PTPRD: variants seen among roughly 807,000 people sequenced by gnomAD.
PTPRD encodes the protein protein tyrosine phosphatase receptor type D, also known as receptor-type tyrosine-protein phosphatase delta.
Under a neutral mutation model 214.5 loss-of-function variants are expected in PTPRD, and 34 were observed. That is an observed-to-expected ratio of 0.16 (90% CI 0.12 to 0.21). The LOEUF (loss-of-function observed/expected upper bound fraction) is 0.21, where lower values mean the gene tolerates loss of function less well. Ranked by LOEUF, PTPRD falls within the 10% of genes least tolerant of loss-of-function variation. The pLI is 1.00. For synonymous variants in PTPRD, 1,128 were observed against 845.7 expected (o/e 1.33, Z -5.79); for missense variants, 2,545 against 2,398.7 (o/e 1.06, Z -1.27).
rs777528687 is a variant in PTPRD, at chr9:8,517,992, T to A, written c.1399A>T (p.Met467Leu). The change falls in exon 21 of 46, where the codon ATG becomes TTG. Residue 467 changes from methionine (M) to leucine (L), a missense_variant. Coordinates refer to ENST00000381196, the MANE Select transcript of PTPRD (RefSeq NM_002839.4). ...MDPTQHVNNW[M>L]KHNVADSQIT... ...TGGCTGTCAGCTACATTGTGTTTCA[T>A]CCAGTTGTTGACATGTTGAGTGGGA... 1 of 1,614,212 alleles carries A rather than the reference T, an allele frequency of 6.2e-7. No individual in the cohort carries two copies. Among genetic ancestry groups the A allele is most frequent in the Admixed American group, 1.7e-5 (1 of 60,028 alleles).
intron 3 of PTPRD, among the ~76,000 whole-genome samples, chr9:10,186,525 G>A (rs958053699): frequency 3.9e-5 from 6 of 152,052 alleles, no homozygotes; most frequent in East Asian, 1.9e-4. Flanking sequence ...TCATCTTTAC[G>A]AATCCTCCCC....
rs572723593 is a variant in PTPRD at position 10,265,519 on chromosome 9, G to T, written c.-545+75444C>A. ...CAAATGCTTGTTGTTTTAAGCCAGG[G>T]ATGCAAAAACTTACTCTGTAAAGGG... On this transcript the variant is annotated intron_variant, in intron 3 of 45. Transcript: ENST00000381196. Among the ~76,000 whole-genome samples the T allele has an allele frequency of 7.7e-4, 117 of 152,122 alleles. 1 individual carries two copies. Among genetic ancestry groups the T allele is most frequent in the Non-Finnish European group, 1.2e-3 (83 of 68,016 alleles).
At chr9:9,714,446 G>A (rs1006776038) in intron 7 of PTPRD, among the ~76,000 whole-genome samples, 3 of 152,028 alleles carry the variant, frequency 2.0e-5, no homozygotes, top group African/African-American at 4.8e-5. Context: ...ACATATTTTG[G>A]CATACACATA....
chr9:9,987,851 G>C (rs2095775959), intron 4 of PTPRD, among the ~76,000 whole-genome samples: 1 of 152,088 alleles, frequency 6.6e-6, no homozygotes, highest in Non-Finnish European at 1.5e-5. Context: ...AAGACAACTA[G>C]TTCATTTAAA....
chr9:10,183,151 A>G (rs537518467), intron 3 of PTPRD, among the ~76,000 whole-genome samples: 1 of 152,272 alleles, frequency 6.6e-6, no homozygotes, highest in Non-Finnish European at 1.5e-5. Flanking sequence ...TAAAGTGTTC[A>G]ATTTTTTAAA....
chr9:9,916,605 T>C (rs1453833853), intron 5 of PTPRD, among the ~76,000 whole-genome samples: 2 of 151,874 alleles, frequency 1.3e-5, no homozygotes, highest in East Asian at 1.9e-4. Context: ...AAGACACATA[T>C]AGGGTGAAAG....
intron 11 of PTPRD, among the ~76,000 whole-genome samples, chr9:8,966,104 A>G (rs2099192551): frequency 6.6e-6 from 1 of 152,102 alleles, no homozygotes; most frequent in Non-Finnish European, 1.5e-5. Context: ...AGAACTTCAG[A>G]ATACTGCTAA....
intron 14 of PTPRD, among the ~76,000 whole-genome samples, chr9:8,600,814 G>A (rs2154276711): frequency 6.6e-6 from 1 of 152,090 alleles, no homozygotes; most frequent in Non-Finnish European, 1.5e-5. Flanking sequence ...GCTGGTTTCA[G>A]GTGAGAACCA....
intron 10 of PTPRD, among the ~76,000 whole-genome samples, chr9:9,172,044 A>G (rs979510970): frequency 9.2e-5 from 14 of 152,174 alleles, no homozygotes; most frequent in African/African-American, 3.1e-4. Flanking sequence ...AACTCACAGT[A>G]TAAATGGTAT....
intron 4 of PTPRD, among the ~76,000 whole-genome samples, chr9:9,972,373 C>A (rs1197786311): frequency 6.6e-6 from 1 of 152,142 alleles, no homozygotes; most frequent in Non-Finnish European, 1.5e-5. Context: ...CACCCTTGGA[C>A]TTTTCTGTTT....
intron 10 of PTPRD, among the ~76,000 whole-genome samples, chr9:9,088,993 G>A (rs1026581001): frequency 1.3e-5 from 2 of 152,158 alleles, no homozygotes; most frequent in African/African-American, 4.8e-5. Context: ...GAGCTATTTT[G>A]AAGGGAACAC....
chr9:9,564,313 C>G (rs2083752941), intron 8 of PTPRD, among the ~76,000 whole-genome samples: 1 of 152,086 alleles, frequency 6.6e-6, no homozygotes, highest in Admixed American at 6.6e-5. Flanking sequence ...TCTTGAAGTA[C>G]TCTTTCTCCA....
chr9:8,393,805 A>G (rs536696402), intron 36 of PTPRD, among the ~76,000 whole-genome samples: 12 of 152,286 alleles, frequency 7.9e-5, no homozygotes, highest in African/African-American at 2.9e-4. Context: ...ACTTCATATT[A>G]TACCAATATG....
At chr9:10,282,471 T>C (rs2095169179) in intron 3 of PTPRD, among the ~76,000 whole-genome samples, 1 of 152,160 alleles carries the variant, frequency 6.6e-6, no homozygotes, top group Non-Finnish European at 1.5e-5. Flanking sequence ...TTGAGTTAGA[T>C]GATTTCCCAG....
chr9:10,408,783 C>T (rs533595155), intron 2 of PTPRD, among the ~76,000 whole-genome samples: 1 of 151,602 alleles, frequency 6.6e-6, no homozygotes, highest in Non-Finnish European at 1.5e-5. Context: ...CTCAGTTGAC[C>T]TTTCCAAGTT....
chr9:8,557,545 C>T (rs10977200), intron 14 of PTPRD, among the ~76,000 whole-genome samples: 20,508 of 146,934 alleles, frequency 0.14, 4,604 homozygotes, highest in African/African-American at 0.48. Context: ...GAGTTCGAGA[C>T]TAGCCTGACC....
chr9:8,544,882 G>A (rs1048326176), intron 14 of PTPRD, among the ~76,000 whole-genome samples: 2 of 142,662 alleles, frequency 1.4e-5, no homozygotes, highest in African/African-American at 2.6e-5. Context: ...TCATACTAAA[G>A]ACAGTCCTTT....
chr9:9,524,291 C>CT (rs1484049350), intron 8 of PTPRD, among the ~76,000 whole-genome samples: 1 of 152,090 alleles, frequency 6.6e-6, no homozygotes, highest in East Asian at 1.9e-4. Flanking sequence ...TCCTTCCTCC[C>CT]TCTCCAGTCT....
intron 2 of PTPRD, among the ~76,000 whole-genome samples, chr9:10,563,111 G>A (rs556239856): frequency 6.6e-6 from 1 of 152,100 alleles, no homozygotes; most frequent in Non-Finnish European, 1.5e-5. Flanking sequence ...TTCCCCACTT[G>A]TCATGGAAAA....
Sources: gnomAD v4.1 joint callset for allele counts (sites outside exome capture counted in the v4.1 genomes callset) on GRCh38, gnomAD v4.1.1 for gene constraint, MANE v1.5 for transcripts, NCBI Gene and HGNC (gene_info 2026-07-23, HGNC 2026-07-21) for gene names.